The following KCNIP4 variants were observed in gnomAD, a reference collection of about 807,000 sequenced individuals.
KCNIP4 encodes potassium voltage-gated channel interacting protein 4.
Under a neutral mutation model 34.0 loss-of-function variants are expected in KCNIP4, and 12 were observed. That is an observed-to-expected ratio of 0.35 (90% CI 0.23 to 0.57). The LOEUF (loss-of-function observed/expected upper bound fraction) is 0.57. KCNIP4 is among the 20% of genes least tolerant of loss of function. KCNIP4 has a pLI of 0.83. For synonymous variants in KCNIP4, 124 were observed against 102.2 expected (o/e 1.21, Z -1.29); for missense variants, 238 against 311.7 (o/e 0.76, Z 1.78).
intron 1 of KCNIP4, among the ~76,000 whole-genome samples, chr4:20,964,476 A>G (rs1042380574): frequency 2.5e-4 from 38 of 152,242 alleles, no homozygotes; most frequent in African/African-American, 8.7e-4. Flanking sequence ...CAACATTCAA[A>G]GAAAGTGCAC....
At chr4:20,912,511 G>A (rs938545057) in intron 1 of KCNIP4, among the ~76,000 whole-genome samples, 2 of 151,974 alleles carry the variant, frequency 1.3e-5, no homozygotes, top group African/African-American at 4.8e-5. Flanking sequence ...AAGTAAGCAA[G>A]CAACCAAACA....
intron 1 of KCNIP4, among the ~76,000 whole-genome samples, chr4:21,154,536 A>G (rs1369855980): frequency 6.6e-6 from 1 of 152,230 alleles, no homozygotes; most frequent in Non-Finnish European, 1.5e-5. Flanking sequence ...ACAGTGACCT[A>G]AAGAGCTTAA....
chr4:21,057,202 T>G (rs1005591425), intron 1 of KCNIP4, among the ~76,000 whole-genome samples: 2 of 152,228 alleles, frequency 1.3e-5, no homozygotes, highest in East Asian at 1.9e-4. Context: ...ATGTTTACAA[T>G]GCGTACAAAT....
At chr4:21,480,939 A>G (rs1225243268) in intron 1 of KCNIP4, among the ~76,000 whole-genome samples, 1 of 152,212 alleles carries the variant, frequency 6.6e-6, no homozygotes, top group African/African-American at 2.4e-5. Context: ...CACTTAAAAC[A>G]GGGTGATAGA....
chr4:21,277,855 C>T (rs1007870073), intron 1 of KCNIP4, among the ~76,000 whole-genome samples: 4 of 152,158 alleles, frequency 2.6e-5, no homozygotes, highest in African/African-American at 7.2e-5. Context: ...TACTGAGGCA[C>T]ATTTTTCTGA....
At chr4:21,368,669 T>C (rs1389274448) in intron 1 of KCNIP4, among the ~76,000 whole-genome samples, 1 of 147,518 alleles carries the variant, frequency 6.8e-6, no homozygotes, top group African/African-American at 2.7e-5. Context: ...CGTACCATAC[T>C]ACCTAGATTT....
chr4:20,959,217 C>G (rs962531451), intron 1 of KCNIP4, among the ~76,000 whole-genome samples: 1 of 152,074 alleles, frequency 6.6e-6, no homozygotes, highest in Non-Finnish European at 1.5e-5. Context: ...ACCTCTTGGC[C>G]CCCTACTACA....
intron 1 of KCNIP4, among the ~76,000 whole-genome samples, chr4:21,547,815 T>C (rs73252247): frequency 0.1 from 15,159 of 152,108 alleles, 920 homozygotes; most frequent in South Asian, 0.26. Context: ...GTTCCAAGCC[T>C]AAATCTAAAA....
chr4:21,043,281 A>T (rs1315711182), intron 1 of KCNIP4, among the ~76,000 whole-genome samples: 1 of 152,148 alleles, frequency 6.6e-6, no homozygotes. Flanking sequence ...ATGGATCATG[A>T]CACTGATTTA....
intron 1 of KCNIP4, among the ~76,000 whole-genome samples, chr4:21,327,168 T>C (rs1237163306): frequency 6.6e-6 from 1 of 152,112 alleles, no homozygotes; most frequent in African/African-American, 2.4e-5. Context: ...CTTCATATGA[T>C]ATTTTCTCAT....
At chr4:21,130,864 A>C (rs1751013362) in intron 1 of KCNIP4, among the ~76,000 whole-genome samples, 1 of 152,240 alleles carries the variant, frequency 6.6e-6, no homozygotes, top group Non-Finnish European at 1.5e-5. Flanking sequence ...ATGGGGTTAC[A>C]GTCCAATATA....
At chr4:21,625,608 A>G (rs182230185) in intron 1 of KCNIP4, among the ~76,000 whole-genome samples, 2 of 152,320 alleles carry the variant, frequency 1.3e-5, no homozygotes, top group African/African-American at 4.8e-5. Context: ...ATGCTCTATC[A>G]GTGACTTTGT....
At chr4:20,748,560 T>TTATATATATATATATATA (rs3075750) in intron 5 of KCNIP4, among the ~76,000 whole-genome samples, 2 of 64,910 alleles carry the variant, frequency 3.1e-5, no homozygotes, top group Admixed American at 1.6e-4. Flanking sequence ...CTTCCAAATT[T>TTATATATATATATATATA]TATATATATA....
intron 1 of KCNIP4, among the ~76,000 whole-genome samples, chr4:21,887,887 T>A (rs1040044347): frequency 8.5e-5 from 13 of 152,208 alleles, no homozygotes; most frequent in Non-Finnish European, 1.8e-4. Flanking sequence ...AATTACTTTT[T>A]GAATTTCCAA....
intron 1 of KCNIP4, among the ~76,000 whole-genome samples, chr4:21,139,388 A>T (rs1310238125): frequency 6.6e-6 from 1 of 152,212 alleles, no homozygotes; most frequent in African/African-American, 2.4e-5. Context: ...GAATGCCAAC[A>T]TGTTTTTGAG....
chr4:21,255,408 C>A (rs949812859), intron 1 of KCNIP4, among the ~76,000 whole-genome samples: 4 of 152,088 alleles, frequency 2.6e-5, no homozygotes, highest in Non-Finnish European at 1.5e-5. Context: ...TCTCCCCTCT[C>A]CTCCCAATGC....
At chr4:20,738,802 C>T (rs971341960) in intron 5 of KCNIP4, among the ~76,000 whole-genome samples, 16 of 152,214 alleles carry the variant, frequency 1.1e-4, no homozygotes, top group Middle Eastern at 6.8e-3. Context: ...TCGCCTCACC[C>T]AGGAAGCGCA....
intron 1 of KCNIP4, among the ~76,000 whole-genome samples, chr4:21,373,618 G>T (rs1720696228): frequency 6.8e-6 from 1 of 147,338 alleles, no homozygotes; most frequent in Non-Finnish European, 1.5e-5. Context: ...AAGGTTCATG[G>T]CCAGGTTCTG....
chr4:21,021,850 G>C (rs974691339), intron 1 of KCNIP4, among the ~76,000 whole-genome samples: 1 of 134,012 alleles, frequency 7.5e-6, no homozygotes, highest in African/African-American at 2.8e-5. Flanking sequence ...ATAATGAAAA[G>C]TATAGTATCG....
Sources: gnomAD v4.1 joint callset for allele counts (sites outside exome capture counted in the v4.1 genomes callset) on GRCh38, gnomAD v4.1.1 for gene constraint, MANE v1.5 for transcripts, NCBI Gene and HGNC (gene_info 2026-07-23, HGNC 2026-07-21) for gene names.